MMP17: variants seen among roughly 807,000 people sequenced by gnomAD.
The protein encoded by MMP17 is matrix metalloproteinase-17.
Under a neutral mutation model 49.1 loss-of-function variants are expected in MMP17, and 54 were observed. The ratio of observed to expected loss-of-function variants is 1.10; its 90% CI spans 0.88 to 1.38. The LOEUF (loss-of-function observed/expected upper bound fraction) is 1.38. MMP17 is among the 40% of genes most tolerant of loss of function. The pLI, the probability that MMP17 is intolerant of heterozygous loss-of-function variation, is 0.00. For synonymous variants in MMP17, 397 were observed against 383.1 expected (o/e 1.04, Z -0.42); for missense variants, 837 against 853.7 (o/e 0.98, Z 0.24).
chr12:131,830,684 A>G (rs1886746131), intron 1 of MMP17, among the ~76,000 whole-genome samples: 1 of 152,170 alleles, frequency 6.6e-6, no homozygotes, highest in African/African-American at 2.4e-5. Flanking sequence ...GCCAGGGACG[A>G]GAAGTGCTCC....
At chr12:131,836,175 G>A (rs1887074307) in intron 1 of MMP17, among the ~76,000 whole-genome samples, 1 of 152,322 alleles carries the variant, frequency 6.6e-6, no homozygotes. Context: ...GGTCAGTAGG[G>A]TTTGGAAAGG....
At chr12:131,841,553 G>A (rs1215234807) in intron 4 of MMP17, 71 bp from the exon 5 acceptor site, 2 of 1,507,770 alleles carry the variant, frequency 1.3e-6, no homozygotes, top group South Asian at 1.1e-5. Flanking sequence ...CATGGTGGGG[G>A]CCTGCTGGTC....
In MMP17 at chr12:131,845,101, T is replaced by G. The variant is rs1256250715; in HGVS notation, c.969-17T>G. On this transcript the variant is annotated splice_polypyrimidine_tract_variant and intron_variant, in intron 6 of 9. Coordinates refer to ENST00000360564, the MANE Select transcript of MMP17 (RefSeq NM_016155.7). ...CCCAGGCCCCGCCTCCCAGCCCACC[T>G]GGCTCTCTCCCTGCAGGCCCAGGAA... 23 of 1,598,288 alleles carry G rather than the reference T, an allele frequency of 1.4e-5. No individual in the cohort carries two copies. Among genetic ancestry groups the G allele is most frequent in the East Asian group, 4.8e-5 (2 of 41,450 alleles).
Position 131,838,598 on chromosome 12 carries a change from T to G in MMP17, c.293-14T>G. ...GAGCTGGGCTAGGCTCTGAGCTCCA[T>G]GCTTTCCCTGCAGACGAGGCCACCC... On this transcript the variant is annotated splice_polypyrimidine_tract_variant and intron_variant, in intron 2 of 9. Coordinates refer to ENST00000360564, the MANE Select transcript of MMP17 (RefSeq NM_016155.7). The G allele has an allele frequency of 6.2e-7, 1 of 1,606,848 alleles. No homozygotes were observed.
chr12:131,834,339 T>A (rs897866659), intron 1 of MMP17, among the ~76,000 whole-genome samples: 4 of 149,262 alleles, frequency 2.7e-5, no homozygotes, highest in African/African-American at 9.8e-5. Flanking sequence ...AGGTTCACCC[T>A]GCTGCTGCTG....
Position 131,828,442 on chromosome 12 carries a change from C to G in MMP17, c.-53C>G. 11 of 969,198 alleles carry G rather than the reference C, an allele frequency of 1.1e-5. No homozygotes were observed. Among genetic ancestry groups the G allele is most frequent in the Non-Finnish European group, 1.3e-5 (11 of 814,896 alleles). 60.0% of individuals were successfully genotyped at this position (969,198 alleles called of 1,614,324 possible). The stretch of plus-strand genomic sequence containing the variant: ...GCGGAGGGCGCCGGGCTGCGGAACG[C>G]GAAGCGGAGGGCGCGGGACCCTGCA... On this transcript the variant is annotated 5_prime_UTR_variant, in exon 1 of 10. Coordinates refer to ENST00000360564, the MANE Select transcript of MMP17 (RefSeq NM_016155.7).
Position 131,844,078 on chromosome 12 carries a change from C to G in MMP17, c.965C>G (p.Ala322Gly), listed in dbSNP as rs1308579548. The stretch of plus-strand genomic sequence containing the variant: ...GAGCCCCCAGACAACCGGTCCAGCG[C>G]CCCGTAAGCCCTGGGCCCACGGTCA... Reference protein sequence around the residue: ...LPEPPDNRSSAPPRKDVPHRC... With the variant: ...LPEPPDNRSSGPPRKDVPHRC... Residue 322 changes from alanine (A) to glycine (G), a missense_variant, in exon 6 of 10, where the codon GCC (alanine) becomes GGC (glycine). Transcript: ENST00000360564. The G allele has an allele frequency of 6.4e-7, 1 of 1,556,316 alleles. No homozygotes were observed. The highest frequency in any genetic ancestry group is 2.4e-5 in the East Asian group (1 of 41,798).
chr12:131,829,749 C>T (rs916683072), intron 1 of MMP17, among the ~76,000 whole-genome samples: 1 of 152,250 alleles, frequency 6.6e-6, no homozygotes. Context: ...GGAGGGGCCA[C>T]TTGGGTGGCA....
intron 1 of MMP17, among the ~76,000 whole-genome samples, chr12:131,837,732 A>G (rs1030336360): frequency 2.6e-5 from 4 of 152,114 alleles, no homozygotes; most frequent in Non-Finnish European, 4.4e-5. Flanking sequence ...CATTTTTTAG[A>G]TGGAGTCTTG....
intron 5 of MMP17, 37 bp from the exon 6 acceptor site, chr12:131,843,960 G>C (rs1043338921): frequency 1.2e-5 from 18 of 1,459,766 alleles, no homozygotes; most frequent in South Asian, 2.5e-5. Flanking sequence ...GGCGGGCGTC[G>C]GGGGTTTGAG....
intron 8 of MMP17, among the ~76,000 whole-genome samples, chr12:131,847,189 G>A (rs538634304): frequency 1.3e-5 from 2 of 151,740 alleles, no homozygotes; most frequent in South Asian, 4.2e-4. Context: ...GAGGCGGGCA[G>A]ATTACAAGGT....
chr12:131,838,057 A>C, intron 1 of MMP17, 138 bp from the exon 2 acceptor site: 1 of 1,094,154 alleles, frequency 9.1e-7, no homozygotes, highest in Non-Finnish European at 1.3e-6. Flanking sequence ...TGCCCAGGGA[A>C]GAGACAAGAG....
intron 6 of MMP17, 41 bp downstream of exon 6, chr12:131,844,122 C>A: frequency 6.8e-7 from 1 of 1,480,422 alleles, no homozygotes. Context: ...TGGGGTCTGT[C>A]TGTCCTCATC....
At chr12:131,849,540 G>A (rs1358135698) in intron 8 of MMP17, among the ~76,000 whole-genome samples, 4 of 152,194 alleles carry the variant, frequency 2.6e-5, no homozygotes, top group Non-Finnish European at 5.9e-5. Context: ...GGTTTGGCCC[G>A]AGTTGTTGTT....
chr12:131,844,359 A>T (rs1456140198), intron 6 of MMP17: 1 of 485,494 alleles, frequency 2.1e-6, no homozygotes, highest in Non-Finnish European at 3.6e-6. Flanking sequence ...CAGCTTGAGG[A>T]ATGTTTCATC....
intron 5 of MMP17, among the ~76,000 whole-genome samples, chr12:131,842,276 G>A (rs1223173840): frequency 2.0e-5 from 3 of 152,138 alleles, no homozygotes; most frequent in African/African-American, 7.2e-5. Context: ...TGGTGCCCCG[G>A]GGAGACAGCA....
At chr12:131,834,250 T>G (rs1022018366) in intron 1 of MMP17, among the ~76,000 whole-genome samples, 4 of 152,124 alleles carry the variant, frequency 2.6e-5, no homozygotes, top group Non-Finnish European at 4.4e-5. Context: ...GGGTTGGGGC[T>G]CCCTGGAGCT....
At chr12:131,839,928 A>G (rs576897201) in intron 3 of MMP17, 5 of 152,304 alleles carry the variant, frequency 3.3e-5, no homozygotes, top group Admixed American at 2.0e-4. Flanking sequence ...AGCCTGGGAA[A>G]CATAGTGAGA....
chr12:131,846,697 T>C lies in MMP17; in HGVS notation c.1204+1248T>C, dbSNP rs753876831. Reference sequence around the variant, plus strand: ...GCCTGCCTAATCCCATCTTAACTCATCTTAACTAACACATCTGCAAAGACC... The same window carrying C: ...GCCTGCCTAATCCCATCTTAACTCACCTTAACTAACACATCTGCAAAGACC... On this transcript the variant is annotated intron_variant, in intron 8 of 9. Transcript: ENST00000360564. This position sits in a 1 kb window ranked among gnomAD's most constrained non-coding sequence, Gnocchi z 4.6. Among the ~76,000 whole-genome samples the C allele has an allele frequency of 2.6e-5, 4 of 152,056 alleles. No homozygotes were observed. Among genetic ancestry groups the C allele is most frequent in the Non-Finnish European group, 5.9e-5 (4 of 68,004 alleles).
Sources: gnomAD v4.1 joint callset for allele counts (sites outside exome capture counted in the v4.1 genomes callset) on GRCh38, gnomAD v4.1.1 for gene constraint, Gnocchi (gnomAD v3.1) non-coding constraint, MANE v1.5 for transcripts, NCBI Gene and HGNC (gene_info 2026-07-23, HGNC 2026-07-21) for gene names.